The following MYH10 variants were observed in gnomAD, a reference collection of about 807,000 sequenced individuals.
MYH10 encodes the protein myosin-10.
Under a neutral mutation model 257.8 loss-of-function variants are expected in MYH10, and 55 were observed. The ratio of observed to expected loss-of-function variants is 0.21; its 90% CI spans 0.17 to 0.27. The LOEUF (loss-of-function observed/expected upper bound fraction) is 0.27, where lower values mean the gene tolerates loss of function less well. MYH10 is among the 10% of genes least tolerant of loss of function. The pLI is 1.00. For synonymous variants in MYH10, 854 were observed against 921.7 expected (o/e 0.93, Z 1.33); for missense variants, 1,631 against 2,500.6 (o/e 0.65, Z 7.42).
rs780339732 is a variant in MYH10 at position 8,521,036 on chromosome 17, T to C, written c.2152-37A>G. 2.7e-5 allele frequency: 43 copies of C among 1,611,086 alleles called. No individual in the cohort carries two copies. In the South Asian group the frequency reaches 4.1e-4, roughly 15 times the overall value. ...AACAATAGTTTCATGGTTTAATCTT[T>C]AGCATCTGACCTAGATCAGTTTTAA... On this transcript the variant is annotated intron_variant, in intron 18 of 42. Coordinates refer to ENST00000360416, the MANE Select transcript of MYH10 (RefSeq NM_001256012.3).
At chr17:8,481,245 G>A in intron 38 of MYH10, 77 bp downstream of exon 38, 4 of 1,415,208 alleles carry the variant, frequency 2.8e-6, no homozygotes, top group South Asian at 2.4e-5. Context: ...GATGCCAGGT[G>A]TGTGGACACC....
At chr17:8,598,769 T>C (rs1382008676) in intron 3 of MYH10, among the ~76,000 whole-genome samples, 1 of 151,218 alleles carries the variant, frequency 6.6e-6, no homozygotes, top group East Asian at 1.9e-4. Context: ...TGCAGTGGCA[T>C]GATCTCAGTT....
At chr17:8,575,559 C>T (rs2083472106) in intron 6 of MYH10, among the ~76,000 whole-genome samples, 1 of 152,144 alleles carries the variant, frequency 6.6e-6, no homozygotes. Flanking sequence ...AGGTACAGTA[C>T]AGCTTGGGTG....
At chr17:8,499,741 G>A (rs1418917604) in intron 29 of MYH10, among the ~76,000 whole-genome samples, 1 of 152,192 alleles carries the variant, frequency 6.6e-6, no homozygotes, top group Non-Finnish European at 1.5e-5. Flanking sequence ...CATGCCAGGT[G>A]TGTCCTGTCT....
At position 8,545,388 on chromosome 17, in the gene MYH10, A is replaced by C; in HGVS notation, c.1431+60T>G. On this transcript the variant is annotated intron_variant, in intron 13 of 42. Coordinates refer to ENST00000360416, the MANE Select transcript of MYH10 (RefSeq NM_001256012.3). The surrounding 1 kb of genome is among the most constrained non-coding windows in gnomAD (Gnocchi z 4.7). The stretch of plus-strand genomic sequence containing the variant: ...TGTACTGGGCACACAGTAAGCCTTC[A>C]TATTTGTTAAAAGAACAAACAAAAA... 1 of 1,581,394 alleles carries C rather than the reference A, an allele frequency of 6.3e-7. No individual in the cohort carries two copies. Among genetic ancestry groups the C allele is most frequent in the East Asian group, 2.2e-5 (1 of 44,672 alleles).
At position 8,518,790 on chromosome 17, in the gene MYH10, A is replaced by C. The variant is rs775050229; in HGVS notation, c.2345T>G (p.Ile782Ser). ...GTTTGGGTCCAATTCTAAAGCCCGG[A>C]TCTAAGAGAGAAAGAGTTTATTTAC... ...MDGKQACERM[I>S]RALELDPNLY... is the part of the protein sequence containing the mutation. The change falls in exon 21 of 43, where the codon ATC becomes AGC. Residue 782 changes from isoleucine to serine, a missense_variant and splice_region_variant. Ile to Ser is a moderately radical substitution (Grantham distance 142, BLOSUM62 -2). Transcript: ENST00000360416. 3.7e-6 allele frequency: 6 copies of C among 1,609,152 alleles called. No homozygotes were observed. The highest frequency in any genetic ancestry group is 5.1e-6 in the Non-Finnish European group (6 of 1,178,802).
At chr17:8,493,593 G>T in intron 32 of MYH10, 140 bp downstream of exon 32, 5 of 1,038,496 alleles carry the variant, frequency 4.8e-6, no homozygotes, top group Non-Finnish European at 4.0e-6. Flanking sequence ...GCTGGGTCAA[G>T]AAAAACCATT....
rs138452342 is a variant in MYH10, at chr17:8,485,592, A to G, written c.5047-1326T>C. Among the ~76,000 whole-genome samples, 394 of 152,156 alleles carry G rather than the reference A, an allele frequency of 2.6e-3. 2 individuals carry two copies. The highest frequency in any genetic ancestry group is 0.01 in the Middle Eastern group (3 of 292). On this transcript the variant is annotated intron_variant, in intron 36 of 42. Coordinates refer to ENST00000360416, the MANE Select transcript of MYH10 (RefSeq NM_001256012.3). ...AAAGAGAGCTCAGCTGTTTAACCTC[A>G]TTAGTCATTAGAGAAATAAAAATAA...
intron 36 of MYH10, among the ~76,000 whole-genome samples, chr17:8,487,131 A>G (rs1914949643): frequency 6.6e-6 from 1 of 152,168 alleles, no homozygotes; most frequent in African/African-American, 2.4e-5. Flanking sequence ...TACAGCACTA[A>G]GGGGCTGGGT....
chr17:8,503,697 T>A (rs1474274617), intron 28 of MYH10, among the ~76,000 whole-genome samples: 3 of 152,154 alleles, frequency 2.0e-5, no homozygotes, highest in Non-Finnish European at 2.9e-5. Context: ...TTGCTCTGGG[T>A]CATTTTCTGC....
At chr17:8,592,964 T>TATATATATATATATAA (rs1567953199) in intron 3 of MYH10, among the ~76,000 whole-genome samples, 8 of 119,884 alleles carry the variant, frequency 6.7e-5, no homozygotes, top group Admixed American at 1.7e-4. Context: ...TATATATATA[T>TATATATATATATATAA]ATATATAAAA....
chr17:8,500,285 G>A (rs376187213), intron 29 of MYH10, among the ~76,000 whole-genome samples: 64 of 152,306 alleles, frequency 4.2e-4, no homozygotes, highest in African/African-American at 1.5e-3. Flanking sequence ...ACAGGAGGGT[G>A]GCGTGAGTCA....
intron 2 of MYH10, among the ~76,000 whole-genome samples, chr17:8,611,674 C>G (rs562532240): frequency 6.6e-6 from 1 of 152,064 alleles, no homozygotes; most frequent in Non-Finnish European, 1.5e-5. Context: ...ATTAGTTACA[C>G]GGCATTTTAA....
Position 8,506,137 on chromosome 17 carries a change from C to G in MYH10, c.3386+181G>C. On this transcript the variant is annotated intron_variant, in intron 27 of 42. Transcript: ENST00000360416. This position sits in a 1 kb window ranked among gnomAD's most constrained non-coding sequence, Gnocchi z 5.0. The stretch of plus-strand genomic sequence containing the variant: ...ATAAATATTGAGATGGTTTATGAGA[C>G]TTTCTTGCTGTCCTGACACAAATTC... 1.9e-6 allele frequency: 1 copy of G among 528,344 alleles called. No homozygotes were observed. Among genetic ancestry groups the G allele is most frequent in the South Asian group, 3.5e-5 (1 of 28,976 alleles). 32.7% of individuals were successfully genotyped at this position (528,344 alleles called of 1,614,324 possible). A position where few individuals can be genotyped will look rare whatever the true frequency, so the allele number is the denominator to read the frequency against.
chr17:8,493,703 C>A, intron 32 of MYH10, 30 bp downstream of exon 32: 1 of 1,591,008 alleles, frequency 6.3e-7, no homozygotes, highest in South Asian at 1.1e-5. Flanking sequence ...CACATCGAGG[C>A]CACCGCGGCC....
chr17:8,576,746 G>T (rs1318696747), intron 5 of MYH10, 74 bp from the exon 6 acceptor site: 1 of 1,431,732 alleles, frequency 7.0e-7, no homozygotes, highest in Non-Finnish European at 9.6e-7. Context: ...CATTTCCAAA[G>T]CACCAAGCCA....
chr17:8,596,354 C>G (rs948970273), intron 3 of MYH10, among the ~76,000 whole-genome samples: 1 of 152,002 alleles, frequency 6.6e-6, no homozygotes, highest in African/African-American at 2.4e-5. Context: ...GGGGTTTTCA[C>G]CATGTTGGCC....
At chr17:8,606,637 A>AT (rs2084821821) in intron 2 of MYH10, among the ~76,000 whole-genome samples, 1 of 152,182 alleles carries the variant, frequency 6.6e-6, no homozygotes, top group Non-Finnish European at 1.5e-5. Context: ...ATTTCAAGTG[A>AT]TCAGAACTGT....
At chr17:8,604,326 G>T (rs1041871777) in intron 3 of MYH10, among the ~76,000 whole-genome samples, 2 of 152,090 alleles carry the variant, frequency 1.3e-5, no homozygotes, top group Non-Finnish European at 2.9e-5. Flanking sequence ...GGGTTCAAAT[G>T]AATGACTCCT....
Sources: allele counts gnomAD v4.1 joint callset (sites outside exome capture counted in the v4.1 genomes callset), GRCh38; gene constraint gnomAD v4.1.1; non-coding constraint Gnocchi (gnomAD v3.1); transcripts MANE v1.5; gene names NCBI Gene and HGNC (gene_info 2026-07-23, HGNC 2026-07-21).